MAP4K3: variants seen among roughly 807,000 people sequenced by gnomAD.
MAP4K3 encodes MAPK/ERK kinase kinase kinase 3.
Under a neutral mutation model 143.5 loss-of-function variants are expected in MAP4K3, and 94 were observed. The observed-to-expected ratio is 0.65, with a 90% CI of 0.55 to 0.78. The LOEUF is 0.78. Among genes scored for constraint, MAP4K3 ranks in the 30% least tolerant of loss-of-function variants. The pLI, the probability that MAP4K3 is intolerant of heterozygous loss-of-function variation, is 0.00. For missense variants in MAP4K3, 1,077 were observed against 1,068.1 expected (o/e 1.01, Z -0.12); for synonymous variants, 416 against 347.2 (o/e 1.20, Z -2.20).
intron 19 of MAP4K3, among the ~76,000 whole-genome samples, chr2:39,289,204 T>C (rs1471876913): frequency 6.6e-6 from 1 of 152,256 alleles, no homozygotes; most frequent in Admixed American, 6.5e-5. Flanking sequence ...CTCTTATTAT[T>C]GCTCAGCACT....
At chr2:39,311,464 G>GT (rs1682933913) in intron 13 of MAP4K3, among the ~76,000 whole-genome samples, 1 of 152,176 alleles carries the variant, frequency 6.6e-6, no homozygotes, top group Non-Finnish European at 1.5e-5. Flanking sequence ...ATGGCCCCCA[G>GT]TGACTCCTGC....
At chr2:39,420,408 A>G (rs996731469) in intron 1 of MAP4K3, among the ~76,000 whole-genome samples, 7 of 152,104 alleles carry the variant, frequency 4.6e-5, no homozygotes, top group African/African-American at 1.7e-4. Context: ...CATGAATTCC[A>G]TATTTTTTTT....
chr2:39,309,166 C>T (rs1227146374), intron 14 of MAP4K3, among the ~76,000 whole-genome samples: 4 of 152,066 alleles, frequency 2.6e-5, no homozygotes, highest in African/African-American at 9.7e-5. Flanking sequence ...CACTTTCACC[C>T]AGGCTACAGT....
chr2:39,377,884 G>T (rs188869619), intron 2 of MAP4K3, among the ~76,000 whole-genome samples, 182 bp downstream of exon 2: 13 of 152,284 alleles, frequency 8.5e-5, no homozygotes, highest in African/African-American at 3.1e-4. Flanking sequence ...TTTCAGGGAA[G>T]AACTGAGCAA....
rs771218067 is a variant in MAP4K3 at position 39,254,184 on chromosome 2, C to G, written c.2541+266G>C. Among the ~76,000 whole-genome samples the G allele has an allele frequency of 6.9e-4, 105 of 152,272 alleles. 2 individuals are homozygous for G. The highest frequency in any genetic ancestry group is 6.8e-3 in the Middle Eastern group (2 of 294). On this transcript the variant is annotated intron_variant, in intron 32 of 33. Coordinates refer to ENST00000263881, the MANE Select transcript of MAP4K3 (RefSeq NM_003618.4). ...AGTTGAAAGAAAATCATAGTTGGCT[C>G]ACTTTTAGCAGATTAGCAAGTTCTT...
At chr2:39,398,806 G>C (rs1666879035) in intron 1 of MAP4K3, among the ~76,000 whole-genome samples, 1 of 150,578 alleles carries the variant, frequency 6.6e-6, no homozygotes, top group Admixed American at 6.6e-5. Flanking sequence ...ACTTTGGGAG[G>C]CTGAGGTGGG....
intron 2 of MAP4K3, among the ~76,000 whole-genome samples, chr2:39,366,762 T>C (rs1378777856): frequency 6.6e-6 from 1 of 152,222 alleles, no homozygotes; most frequent in Non-Finnish European, 1.5e-5. Flanking sequence ...TACCAGGAAA[T>C]ACTCTGAAAC....
chr2:39,357,183 T>C lies in MAP4K3; in HGVS notation c.155-844A>G, dbSNP rs549943540. On this transcript the variant is annotated intron_variant, in intron 2 of 33. Transcript: ENST00000263881. ...TAGCAGTGTCACATGCTGTGGCTCCTGAATGAACACTTGTCATGGAGAGAA... is the reference window on the plus strand; with the variant it reads ...TAGCAGTGTCACATGCTGTGGCTCCCGAATGAACACTTGTCATGGAGAGAA... Among the ~76,000 whole-genome samples, 3 of 152,348 alleles carry C rather than the reference T, an allele frequency of 2.0e-5. No homozygotes were observed. The South Asian group carries it at 6.2e-4, about 32-fold the overall frequency.
chr2:39,370,191 T>A (rs1246089420), intron 2 of MAP4K3, among the ~76,000 whole-genome samples: 1 of 152,244 alleles, frequency 6.6e-6, no homozygotes. Flanking sequence ...CCTTTCAATG[T>A]GTAAATATTC....
At chr2:39,351,103 G>A (rs1026444540) in intron 3 of MAP4K3, among the ~76,000 whole-genome samples, 1 of 152,098 alleles carries the variant, frequency 6.6e-6, no homozygotes, top group East Asian at 1.9e-4. Context: ...CTTTATATAA[G>A]GGACTTGAGC....
intron 1 of MAP4K3, among the ~76,000 whole-genome samples, chr2:39,398,986 G>C (rs996583443): frequency 7.4e-5 from 11 of 149,330 alleles, no homozygotes; most frequent in Admixed American, 6.7e-5. Context: ...GGAAGCTGCA[G>C]TGAGCTGAGA....
intron 1 of MAP4K3, among the ~76,000 whole-genome samples, chr2:39,425,213 G>C (rs760895228): frequency 1.3e-5 from 2 of 151,508 alleles, no homozygotes; most frequent in Non-Finnish European, 2.9e-5. Flanking sequence ...TCACAGGCAT[G>C]AGTCAGCATA....
intron 22 of MAP4K3, among the ~76,000 whole-genome samples, 194 bp downstream of exon 22, chr2:39,282,319 G>A (rs1368199853): frequency 3.9e-5 from 6 of 152,134 alleles, no homozygotes; most frequent in Non-Finnish European, 7.3e-5. Context: ...CCAACATGGT[G>A]AAACTCTGTC....
chr2:39,398,847 A>T lies in MAP4K3; in HGVS notation c.97-20724T>A, dbSNP rs1219247205. Among the ~76,000 whole-genome samples, 6 of 151,452 alleles carry T rather than the reference A, an allele frequency of 4.0e-5. No homozygotes were observed. The South Asian group carries it at 1.3e-3, about 32-fold the overall frequency. ...CACTTGAGGTCAAGAGTTCAAGACC[A>T]GCCTGGCCAACATGGCGAAACCCTG... On this transcript the variant is annotated intron_variant, in intron 1 of 33. Transcript: ENST00000263881.
intron 14 of MAP4K3, 115 bp downstream of exon 14, chr2:39,309,346 C>T (rs1243131272): frequency 1.4e-5 from 10 of 737,918 alleles, no homozygotes; most frequent in South Asian, 1.9e-5. Context: ...GCTGGGACCT[C>T]GAATGTTTTT....
chr2:39,339,512 G>C (rs986329860), intron 4 of MAP4K3, among the ~76,000 whole-genome samples: 4 of 152,136 alleles, frequency 2.6e-5, no homozygotes, highest in African/African-American at 9.7e-5. Context: ...GTCTCTTAGG[G>C]GAAGGTTAAT....
chr2:39,402,900 GATA>G (rs1383760106), intron 1 of MAP4K3, among the ~76,000 whole-genome samples: 2 of 151,574 alleles, frequency 1.3e-5, no homozygotes, highest in Non-Finnish European at 2.9e-5. Flanking sequence ...ATATTAAAAG[GATA>G]ATGAGAAAAT....
In MAP4K3 at chr2:39,371,817, A is replaced by C. The variant is rs148410261; in HGVS notation, c.154+6249T>G. On this transcript the variant is annotated intron_variant, in intron 2 of 33. Coordinates refer to ENST00000263881, the MANE Select transcript of MAP4K3 (RefSeq NM_003618.4). Reference sequence around the variant, plus strand: ...ACATATATATCCTCTCTCTCTATATATATATATGTATATATATACGTATAC... The same window carrying C: ...ACATATATATCCTCTCTCTCTATATCTATATATGTATATATATACGTATAC... Among the ~76,000 whole-genome samples, 763 of 151,442 alleles carry C rather than the reference A, an allele frequency of 5.0e-3. 6 individuals are homozygous for C. Among genetic ancestry groups the C allele is most frequent in the African/African-American group, 0.014 (596 of 41,392 alleles).
At chr2:39,296,517 G>A (rs868099155) in intron 16 of MAP4K3, among the ~76,000 whole-genome samples, 4 of 152,130 alleles carry the variant, frequency 2.6e-5, no homozygotes, top group Non-Finnish European at 4.4e-5. Context: ...AAATGTTGAC[G>A]AAAAGGTTAA....
Sources: gnomAD v4.1 joint callset for allele counts (sites outside exome capture counted in the v4.1 genomes callset) on GRCh38, gnomAD v4.1.1 for gene constraint, MANE v1.5 for transcripts, NCBI Gene and HGNC (gene_info 2026-07-23, HGNC 2026-07-21) for gene names.